IPCEF1: variants seen among roughly 807,000 people sequenced by gnomAD.
IPCEF1 encodes the protein interaction protein for cytohesin exchange factors 1.
Under a neutral mutation model 50.9 loss-of-function variants are expected in IPCEF1, and 31 were observed. The observed-to-expected ratio is 0.61, with a 90% CI of 0.46 to 0.82. IPCEF1 has a LOEUF of 0.82. Among genes scored for constraint, IPCEF1 ranks in the 40% least tolerant of loss-of-function variants. The probability of loss-of-function intolerance (pLI) is 0.00; values close to 1 mark genes in which losing one functional copy is unlikely to be tolerated. For missense variants in IPCEF1, 458 were observed against 514.0 expected, an observed-to-expected ratio of 0.89 and a Z score of 1.05; for synonymous variants, 181 against 192.0, an observed-to-expected ratio of 0.94 and a Z score of 0.47.
intron 11 of IPCEF1, among the ~76,000 whole-genome samples, chr6:154,161,122 C>T (rs142439741): frequency 1.2e-4 from 19 of 152,312 alleles, no homozygotes; most frequent in African/African-American, 4.6e-4. Flanking sequence ...ATCTTCCTTG[C>T]CTTTCTTCAC....
chr6:154,294,162 G>C (rs1202783337), intron 1 of IPCEF1, among the ~76,000 whole-genome samples: 2 of 152,080 alleles, frequency 1.3e-5, no homozygotes, highest in Non-Finnish European at 2.9e-5. Flanking sequence ...TGACATTGGG[G>C]CCCAATTCTT....
At chr6:154,303,854 A>C (rs1275118693) in intron 1 of IPCEF1, among the ~76,000 whole-genome samples, 1 of 152,180 alleles carries the variant, frequency 6.6e-6, no homozygotes, top group East Asian at 1.9e-4. Flanking sequence ...CCGGGAGGTC[A>C]AGGCTGCAGT....
intron 1 of IPCEF1, among the ~76,000 whole-genome samples, chr6:154,342,010 C>T (rs115129976): frequency 6.6e-6 from 1 of 152,270 alleles, no homozygotes; most frequent in African/African-American, 2.4e-5. Flanking sequence ...TTGAGTCATG[C>T]AACATCCTTT....
intron 10 of IPCEF1, among the ~76,000 whole-genome samples, chr6:154,195,065 C>A (rs1776479822): frequency 6.6e-6 from 1 of 152,076 alleles, no homozygotes; most frequent in Non-Finnish European, 1.5e-5. Flanking sequence ...GTTATGCAGG[C>A]TCCCTAAACC....
At chr6:154,349,494 T>G (rs931598555) in intron 1 of IPCEF1, among the ~76,000 whole-genome samples, 2 of 152,046 alleles carry the variant, frequency 1.3e-5, no homozygotes, top group African/African-American at 4.8e-5. Flanking sequence ...CCCAAAGTGC[T>G]GGGTCAAATT....
At chr6:154,212,582 T>C (rs1430380320) in intron 9 of IPCEF1, among the ~76,000 whole-genome samples, 188 bp downstream of exon 9, 4 of 152,234 alleles carry the variant, frequency 2.6e-5, no homozygotes, top group Non-Finnish European at 5.9e-5. Flanking sequence ...ACCAAGTTTA[T>C]CATACCACTG....
At chr6:154,186,396 C>T (rs1801347074) in intron 10 of IPCEF1, among the ~76,000 whole-genome samples, 1 of 152,192 alleles carries the variant, frequency 6.6e-6, no homozygotes, top group Admixed American at 6.5e-5. Context: ...TTAAAATATA[C>T]ACAGCATCTG....
chr6:154,272,269 A>C (rs529417385), intron 2 of IPCEF1, among the ~76,000 whole-genome samples: 1 of 152,260 alleles, frequency 6.6e-6, no homozygotes, highest in African/African-American at 2.4e-5. Context: ...TTCATTATAC[A>C]AAACTATCCT....
chr6:154,330,855 A>G (rs1783642042), intron 1 of IPCEF1, among the ~76,000 whole-genome samples: 1 of 152,156 alleles, frequency 6.6e-6, no homozygotes, highest in Non-Finnish European at 1.5e-5. Context: ...GCCTACTGTC[A>G]AAGGCAAAAC....
intron 10 of IPCEF1, among the ~76,000 whole-genome samples, chr6:154,199,296 G>T (rs1239634108): frequency 6.6e-6 from 1 of 152,214 alleles, no homozygotes; most frequent in Non-Finnish European, 1.5e-5. Flanking sequence ...AACTATCAAG[G>T]TGATGTTATG....
intron 7 of IPCEF1, among the ~76,000 whole-genome samples, chr6:154,220,623 C>T (rs1778789535): frequency 6.6e-6 from 1 of 152,120 alleles, no homozygotes; most frequent in Admixed American, 6.5e-5. Flanking sequence ...GCCTGGGCAA[C>T]AGAACAAGAC....
In IPCEF1 at chr6:154,212,789, G is replaced by A. The variant is rs1467457615; in HGVS notation, c.518C>T (p.Ala173Val). 6.2e-7 allele frequency: 1 copy of A among 1,612,364 alleles called. No individual in the cohort carries two copies. Among genetic ancestry groups the A allele is most frequent in the Admixed American group, 1.7e-5 (1 of 60,028 alleles). The change falls in exon 9 of 12, where the codon GCT becomes GTT. Residue 173 changes from alanine to valine, a missense_variant. Ala to Val is a moderately conservative substitution (Grantham distance 64). Coordinates refer to ENST00000367220, the MANE Select transcript of IPCEF1 (RefSeq NM_001130700.2). ...ACATACCAAAGACTGAGTCTGGGAA[G>A]CGTGAGGAGGGGGTGGTGTCTCCGC... ...IAAETPPPPH[A>V]SQTQSLTAQQ...
intron 2 of IPCEF1, among the ~76,000 whole-genome samples, chr6:154,280,368 C>G (rs1011670941): frequency 6.6e-6 from 1 of 152,040 alleles, no homozygotes; most frequent in Admixed American, 6.6e-5. Flanking sequence ...GAGTTCAAGA[C>G]CAGCCTGGGC....
intron 3 of IPCEF1, among the ~76,000 whole-genome samples, chr6:154,260,012 AG>A: frequency 6.6e-6 from 1 of 152,318 alleles, no homozygotes; most frequent in South Asian, 2.1e-4. Flanking sequence ...ACGAGCACGG[AG>A]ATGGAGTGAG....
At chr6:154,327,170 C>G (rs980655373) in intron 1 of IPCEF1, among the ~76,000 whole-genome samples, 1 of 152,106 alleles carries the variant, frequency 6.6e-6, no homozygotes, top group African/African-American at 2.4e-5. Context: ...GATTTCATGA[C>G]GGAAATGCCA....
At chr6:154,221,953 G>A (rs1778900961) in intron 6 of IPCEF1, among the ~76,000 whole-genome samples, 1 of 152,154 alleles carries the variant, frequency 6.6e-6, no homozygotes, top group Non-Finnish European at 1.5e-5. Flanking sequence ...TTGCTATAAA[G>A]ATACAATAAA....
At chr6:154,280,867 T>C (rs1435002907) in intron 2 of IPCEF1, among the ~76,000 whole-genome samples, 1 of 152,204 alleles carries the variant, frequency 6.6e-6, no homozygotes, top group African/African-American at 2.4e-5. Context: ...TGTTTTCCAC[T>C]GCATGTATGT....
chr6:154,252,492 C>A (rs539548386), intron 3 of IPCEF1, among the ~76,000 whole-genome samples: 1 of 151,858 alleles, frequency 6.6e-6, no homozygotes, highest in Non-Finnish European at 1.5e-5. Flanking sequence ...CTGGCCATCA[C>A]GGTGAAACTC....
At chr6:154,226,570 C>T (rs1442302504) in intron 5 of IPCEF1, among the ~76,000 whole-genome samples, 1 of 152,138 alleles carries the variant, frequency 6.6e-6, no homozygotes, top group African/African-American at 2.4e-5. Context: ...CACCCATTAC[C>T]TACTGCCTCC....
Sources: gnomAD v4.1 joint callset for allele counts (sites outside exome capture counted in the v4.1 genomes callset) on GRCh38, gnomAD v4.1.1 for gene constraint, MANE v1.5 for transcripts, NCBI Gene and HGNC (gene_info 2026-07-23, HGNC 2026-07-21) for gene names.